NFIB: variants seen among roughly 807,000 people sequenced by gnomAD.
The protein encoded by NFIB is nuclear factor 1 B-type.
NFIB carries 11 observed loss-of-function variants against 61.5 expected under a neutral mutation model. The observed-to-expected ratio is 0.18, with a 90% CI of 0.11 to 0.30. NFIB has a LOEUF of 0.30. Among genes scored for constraint, NFIB ranks in the 10% least tolerant of loss-of-function variants. The probability of loss-of-function intolerance (pLI) is 1.00; values close to 1 mark genes in which losing one functional copy is unlikely to be tolerated. For missense variants in NFIB, 471 were observed against 608.9 expected (o/e 0.77, Z 2.38); for synonymous variants, 260 against 216.5 (o/e 1.20, Z -1.76).
At chr9:14,499,019 C>A in the NFIB span, among the ~76,000 whole-genome samples, 1 of 150,998 alleles carries the variant, frequency 6.6e-6, no homozygotes, top group East Asian at 1.9e-4. Context: ...TGTACGTGCA[C>A]ATGTGCACGT....
chr9:14,371,114 AAAAC>A (rs148844966), intron 1 of NFIB, among the ~76,000 whole-genome samples: 149 of 151,980 alleles, frequency 9.8e-4, no homozygotes, highest in Middle Eastern at 3.4e-3. Flanking sequence ...AAACCAAAAC[AAAAC>A]AAACAAACAA....
intron 1 of NFIB, among the ~76,000 whole-genome samples, chr9:14,393,310 C>A (rs1392871557): frequency 6.6e-6 from 1 of 152,194 alleles, no homozygotes; most frequent in African/African-American, 2.4e-5. Flanking sequence ...ATTTCACCAT[C>A]TGGTGTCTGC....
chr9:14,430,871 C>G, the NFIB span, among the ~76,000 whole-genome samples: 108 of 152,224 alleles, frequency 7.1e-4, no homozygotes, highest in African/African-American at 2.6e-3. Flanking sequence ...TGTGAGCCAC[C>G]ACGTCCGGCC....
At chr9:14,343,054 G>A (rs1588337686) in intron 1 of NFIB, among the ~76,000 whole-genome samples, 1 of 152,066 alleles carries the variant, frequency 6.6e-6, no homozygotes, top group Non-Finnish European at 1.5e-5. Context: ...ATGGCCGGGG[G>A]GGTAGGGGAG....
the NFIB span, among the ~76,000 whole-genome samples, chr9:14,473,576 C>T: frequency 6.6e-6 from 1 of 152,156 alleles, no homozygotes; most frequent in Non-Finnish European, 1.5e-5. Context: ...ACATCACAGC[C>T]CTGCAAGACT....
chr9:14,212,664 T>C (rs1437441889), intron 2 of NFIB, among the ~76,000 whole-genome samples: 1 of 147,084 alleles, frequency 6.8e-6, no homozygotes, highest in East Asian at 1.9e-4. Flanking sequence ...TTTAAAACTC[T>C]ACACTTACAA....
At chr9:14,224,725 T>A (rs1463725786) in intron 2 of NFIB, among the ~76,000 whole-genome samples, 1 of 152,218 alleles carries the variant, frequency 6.6e-6, no homozygotes, top group Non-Finnish European at 1.5e-5. Context: ...TTATGGTGTT[T>A]GGTATCCCCA....
chr9:14,290,392 G>C (rs2059009840), intron 2 of NFIB, among the ~76,000 whole-genome samples: 1 of 152,028 alleles, frequency 6.6e-6, no homozygotes, highest in Admixed American at 6.6e-5. Context: ...AAAGCTCAGA[G>C]AAAGTATTGC....
At chr9:14,522,572 G>A in the NFIB span, among the ~76,000 whole-genome samples, 1 of 152,148 alleles carries the variant, frequency 6.6e-6, no homozygotes, top group Non-Finnish European at 1.5e-5. Flanking sequence ...ACTAGAGAAG[G>A]TGAACGAAGT....
At chr9:14,384,671 T>C (rs2061528800) in intron 1 of NFIB, among the ~76,000 whole-genome samples, 1 of 152,306 alleles carries the variant, frequency 6.6e-6, no homozygotes, top group African/African-American at 2.4e-5. Context: ...TGGTTGATGA[T>C]ATGATCTCAG....
intron 6 of NFIB, among the ~76,000 whole-genome samples, chr9:14,134,056 T>C (rs2040715113): frequency 2.0e-5 from 3 of 152,136 alleles, no homozygotes; most frequent in Non-Finnish European, 2.9e-5. Context: ...AGAAGACACA[T>C]GGTGTGTTCC....
At chr9:14,476,420 G>T in the NFIB span, among the ~76,000 whole-genome samples, 1 of 152,100 alleles carries the variant, frequency 6.6e-6, no homozygotes. Context: ...CTTGGACAGT[G>T]ATGTGAGCCA....
At chr9:14,337,304 T>C (rs549151031) in intron 1 of NFIB, among the ~76,000 whole-genome samples, 49 of 152,248 alleles carry the variant, frequency 3.2e-4, no homozygotes, top group African/African-American at 1.1e-3. Context: ...CAACACACGG[T>C]TGAAAGAAAG....
At chr9:14,430,871 C>CA in the NFIB span, among the ~76,000 whole-genome samples, 2 of 152,106 alleles carry the variant, frequency 1.3e-5, no homozygotes, top group Non-Finnish European at 2.9e-5. Flanking sequence ...TGTGAGCCAC[C>CA]ACGTCCGGCC....
chr9:14,231,135 A>AAAAAATATATATAT (rs55959148), intron 2 of NFIB, among the ~76,000 whole-genome samples: 2 of 35,344 alleles, frequency 5.7e-5, no homozygotes, highest in African/African-American at 1.0e-4. Context: ...AAAAAAAAAA[A>AAAAAATATATATAT]ATATATATAT....
chr9:14,252,607 T>A (rs1203900210), intron 2 of NFIB, among the ~76,000 whole-genome samples: 1 of 152,146 alleles, frequency 6.6e-6, no homozygotes, highest in Non-Finnish European at 1.5e-5. Flanking sequence ...GTAACTACTA[T>A]TACGTAAAAG....
At chr9:14,248,866 A>C (rs1032399683) in intron 2 of NFIB, among the ~76,000 whole-genome samples, 7 of 152,170 alleles carry the variant, frequency 4.6e-5, no homozygotes, top group Admixed American at 3.3e-4. Flanking sequence ...GTGGAAAGAG[A>C]CCCTCTTTGC....
chr9:14,276,758 C>T (rs145818384), intron 2 of NFIB, among the ~76,000 whole-genome samples: 164 of 152,154 alleles, frequency 1.1e-3, no homozygotes, highest in African/African-American at 3.7e-3. Flanking sequence ...GCTGATCACA[C>T]GAAAGGTTTC....
At chr9:14,326,064 A>C (rs2060748757) in intron 1 of NFIB, among the ~76,000 whole-genome samples, 1 of 152,216 alleles carries the variant, frequency 6.6e-6, no homozygotes, top group African/African-American at 2.4e-5. Context: ...AAATGTTGGC[A>C]TTTTGTCAGA....
Sources: gnomAD v4.1 joint callset for allele counts (sites outside exome capture counted in the v4.1 genomes callset) on GRCh38, gnomAD v4.1.1 for gene constraint, MANE v1.5 for transcripts, NCBI Gene and HGNC (gene_info 2026-07-23, HGNC 2026-07-21) for gene names.